The following DOCK2 variants were observed in gnomAD, a reference collection of about 807,000 sequenced individuals.
DOCK2 encodes the protein dedicator of cytokinesis protein 2.
In DOCK2, 87 loss-of-function variants were observed where a neutral mutation model predicts 248.9. That is an observed-to-expected ratio of 0.35 (90% CI 0.29 to 0.42). The LOEUF (loss-of-function observed/expected upper bound fraction) is 0.42. DOCK2 is among the 10% of genes least tolerant of loss of function. The pLI is 1.00. For synonymous variants in DOCK2, 805 were observed against 821.6 expected, an observed-to-expected ratio of 0.98 and a Z score of 0.35; for missense variants, 1,747 against 2,300.2, an observed-to-expected ratio of 0.76 and a Z score of 4.92.
chr5:169,982,390 C>T (rs1413182045), intron 27 of DOCK2, among the ~76,000 whole-genome samples: 7 of 152,294 alleles, frequency 4.6e-5, no homozygotes, highest in Middle Eastern at 3.4e-3. Context: ...TGTGGTTCCT[C>T]CTCTGCTCAG....
At chr5:169,806,157 G>T (rs386406) in intron 26 of DOCK2, among the ~76,000 whole-genome samples, 81,020 of 150,146 alleles carry the variant, frequency 0.54, 23,000 homozygotes, top group East Asian at 0.78. Context: ...AATTTCTCAT[G>T]TTCTAATATA....
chr5:169,794,909 C>T (rs539012962), intron 25 of DOCK2, among the ~76,000 whole-genome samples: 8 of 152,224 alleles, frequency 5.3e-5, no homozygotes, highest in African/African-American at 1.4e-4. Flanking sequence ...GGTGACAGTG[C>T]GAGACTCTGT....
chr5:169,714,403 G>A lies in DOCK2; in HGVS notation c.1887G>A (p.Leu629=). 1.2e-6 allele frequency: 2 copies of A among 1,614,102 alleles called. No homozygotes were observed. Among genetic ancestry groups the A allele is most frequent in the Non-Finnish European group, 1.7e-6 (2 of 1,179,974 alleles). The change falls in exon 19 of 52, where the codon CTG becomes CTA. Residue 629 remains leucine, a synonymous_variant. Transcript: ENST00000520908. ...GLLKWRMKPQ[L]LQENLEKLKI... ...TGAAGTGGCGTATGAAGCCTCAACT[G>A]CTACAGGAGAATTTAGAAAAGTTGA...
At chr5:169,727,472 G>A (rs954500533) in intron 22 of DOCK2, among the ~76,000 whole-genome samples, 24 of 152,182 alleles carry the variant, frequency 1.6e-4, no homozygotes, top group African/African-American at 5.6e-4. Flanking sequence ...CCGTGGTGGT[G>A]GAGGGGGGCC....
At chr5:170,054,228 G>T (rs1350340773) in intron 41 of DOCK2, among the ~76,000 whole-genome samples, 1 of 152,208 alleles carries the variant, frequency 6.6e-6, no homozygotes, top group East Asian at 1.9e-4. Flanking sequence ...TGATTCCTTA[G>T]TTGGCAGACA....
At chr5:170,023,319 G>A (rs932763473) in intron 33 of DOCK2, among the ~76,000 whole-genome samples, 3 of 152,204 alleles carry the variant, frequency 2.0e-5, no homozygotes, top group African/African-American at 7.2e-5. Flanking sequence ...GACGGAGATA[G>A]CCATGTTAGC....
intron 21 of DOCK2, 71 bp from the exon 22 acceptor site, chr5:169,718,586 T>A (rs1762025282): frequency 5.8e-6 from 9 of 1,548,820 alleles, no homozygotes; most frequent in Non-Finnish European, 7.9e-6. Context: ...ATTGAATGCC[T>A]TATAATTTAC....
At chr5:170,013,165 T>TA in intron 32 of DOCK2, among the ~76,000 whole-genome samples, 3 of 152,122 alleles carry the variant, frequency 2.0e-5, no homozygotes, top group African/African-American at 7.2e-5. Flanking sequence ...GGGCAGGTAT[T>TA]CTAGGGGAGC....
chr5:169,700,594 G>T (rs1760909636), intron 13 of DOCK2, among the ~76,000 whole-genome samples: 1 of 151,520 alleles, frequency 6.6e-6, no homozygotes, highest in Admixed American at 6.6e-5. Context: ...GGCCTGAAAA[G>T]GTATAAAGTG....
intron 22 of DOCK2, among the ~76,000 whole-genome samples, chr5:169,726,267 G>A (rs1456755360): frequency 2.6e-5 from 4 of 152,210 alleles, no homozygotes; most frequent in Non-Finnish European, 4.4e-5. Context: ...GTGATAATGA[G>A]CATTTTTTTC....
intron 2 of DOCK2, among the ~76,000 whole-genome samples, chr5:169,656,613 C>T (rs540803091): frequency 3.9e-5 from 6 of 152,096 alleles, no homozygotes; most frequent in African/African-American, 1.2e-4. Flanking sequence ...GCACCTGGCC[C>T]CAGTGGCTCT....
intron 32 of DOCK2, 109 bp from the exon 33 acceptor site, chr5:170,018,851 A>G (rs1182244730): frequency 7.3e-7 from 1 of 1,369,018 alleles, no homozygotes; most frequent in Non-Finnish European, 1.0e-6. Flanking sequence ...AGTGTTAACT[A>G]TTGTTTTTAC....
intron 44 of DOCK2, among the ~76,000 whole-genome samples, chr5:170,066,608 G>T (rs1185298196): frequency 6.6e-6 from 1 of 152,140 alleles, no homozygotes; most frequent in African/African-American, 2.4e-5. Context: ...TTTCTGAAGT[G>T]CACATGGAAC....
chr5:169,731,062 C>A (rs566190373), intron 22 of DOCK2, among the ~76,000 whole-genome samples: 1 of 152,154 alleles, frequency 6.6e-6, no homozygotes, highest in East Asian at 1.9e-4. Context: ...GAGATGCAGT[C>A]TCACTGTGTT....
chr5:170,079,965 A>G, intron 49 of DOCK2, 198 bp from the exon 50 acceptor site: 2 of 712,002 alleles, frequency 2.8e-6, no homozygotes, highest in East Asian at 2.8e-5. Flanking sequence ...CCCCGCCTGT[A>G]GTTGTGTAGT....
At chr5:169,924,596 C>T (rs1219403010) in intron 27 of DOCK2, among the ~76,000 whole-genome samples, 1 of 152,148 alleles carries the variant, frequency 6.6e-6, no homozygotes, top group Non-Finnish European at 1.5e-5. Context: ...CAGAGCTATT[C>T]AATCATGCTG....
chr5:169,886,250 G>A (rs1309864244), intron 27 of DOCK2, among the ~76,000 whole-genome samples: 1 of 152,188 alleles, frequency 6.6e-6, no homozygotes, highest in Non-Finnish European at 1.5e-5. Context: ...CATTTGCCTT[G>A]CCTGTTTGAA....
intron 26 of DOCK2, among the ~76,000 whole-genome samples, chr5:169,835,036 T>A (rs1769473719): frequency 6.6e-6 from 1 of 152,122 alleles, no homozygotes; most frequent in Non-Finnish European, 1.5e-5. Context: ...TTTTCCAAAT[T>A]GCTTTTTTTT....
At chr5:170,020,362 T>TA (rs1401534284) in intron 33 of DOCK2, among the ~76,000 whole-genome samples, 1 of 152,196 alleles carries the variant, frequency 6.6e-6, no homozygotes, top group East Asian at 1.9e-4. Flanking sequence ...CCATTCCTGT[T>TA]ATTTGATGTC....
Sources: allele counts gnomAD v4.1 joint callset (sites outside exome capture counted in the v4.1 genomes callset), GRCh38; gene constraint gnomAD v4.1.1; transcripts MANE v1.5; gene names NCBI Gene and HGNC (gene_info 2026-07-23, HGNC 2026-07-21).